MAP3K5: variants seen among roughly 807,000 people sequenced by gnomAD.
The protein encoded by MAP3K5 is mitogen-activated protein kinase kinase kinase 5, also known as ASK-1.
Under a neutral mutation model 158.7 loss-of-function variants are expected in MAP3K5, and 56 were observed. The observed-to-expected ratio is 0.35, with a 90% CI of 0.28 to 0.44. The LOEUF (loss-of-function observed/expected upper bound fraction) is 0.44. MAP3K5 is among the 20% of genes least tolerant of loss of function. MAP3K5 has a pLI of 1.00. For missense variants in MAP3K5, 1,294 were observed against 1,674.8 expected (o/e 0.77, Z 3.97); for synonymous variants, 579 against 601.7 (o/e 0.96, Z 0.55).
intron 1 of MAP3K5, among the ~76,000 whole-genome samples, chr6:136,773,922 T>C (rs1187761526): frequency 6.6e-6 from 1 of 152,152 alleles, no homozygotes; most frequent in Non-Finnish European, 1.5e-5. Context: ...CCCAAAGTGC[T>C]GGGATTACAT....
intron 18 of MAP3K5, among the ~76,000 whole-genome samples, chr6:136,607,211 C>G (rs1262931740): frequency 1.3e-5 from 2 of 152,076 alleles, no homozygotes; most frequent in Non-Finnish European, 2.9e-5. Context: ...TTTGTTGTCT[C>G]GGGGCCTAGA....
chr6:136,744,636 G>T (rs1782855610), intron 1 of MAP3K5, among the ~76,000 whole-genome samples: 1 of 151,828 alleles, frequency 6.6e-6, no homozygotes, highest in South Asian at 2.1e-4. Context: ...TCCACACCTT[G>T]CACACCCCTC....
At chr6:136,578,613 G>A (rs1463713457) in intron 25 of MAP3K5, among the ~76,000 whole-genome samples, 1 of 151,366 alleles carries the variant, frequency 6.6e-6, no homozygotes, top group Non-Finnish European at 1.5e-5. Context: ...ATGCAAAGGT[G>A]CAAGCCACAG....
At chr6:136,564,025 T>C (rs371770194) in intron 26 of MAP3K5, among the ~76,000 whole-genome samples, 2 of 152,300 alleles carry the variant, frequency 1.3e-5, no homozygotes, top group African/African-American at 2.4e-5. Context: ...AATTACCTAA[T>C]GCCTCCAGGC....
chr6:136,751,859 G>A (rs1373489808), intron 1 of MAP3K5, among the ~76,000 whole-genome samples: 1 of 152,228 alleles, frequency 6.6e-6, no homozygotes, highest in Non-Finnish European at 1.5e-5. Flanking sequence ...CCTACTTTCG[G>A]AAGGTTGCCA....
chr6:136,560,077 C>G (rs200083661), intron 28 of MAP3K5, among the ~76,000 whole-genome samples: 1 of 151,814 alleles, frequency 6.6e-6, no homozygotes, highest in Non-Finnish European at 1.5e-5. Context: ...AAATATAAAA[C>G]AAAACAATAT....
chr6:136,598,342 C>G (rs946643077), intron 21 of MAP3K5, among the ~76,000 whole-genome samples: 10 of 152,258 alleles, frequency 6.6e-5, no homozygotes, highest in Non-Finnish European at 1.5e-4. Context: ...CATTCTCAGA[C>G]TGACTTCAGT....
chr6:136,585,473 C>CTTTTCTTTA (rs562356592), intron 23 of MAP3K5, among the ~76,000 whole-genome samples: 1 of 135,038 alleles, frequency 7.4e-6, no homozygotes, highest in African/African-American at 2.7e-5. Flanking sequence ...CTTTTCTTTT[C>CTTTTCTTTA]TTTATTTATT....
intron 26 of MAP3K5, among the ~76,000 whole-genome samples, chr6:136,566,752 C>T (rs1214562999): frequency 1.3e-5 from 2 of 152,154 alleles, no homozygotes; most frequent in African/African-American, 4.8e-5. Flanking sequence ...TTTCATGTTT[C>T]TGAATATAGG....
intron 7 of MAP3K5, among the ~76,000 whole-genome samples, chr6:136,681,348 T>C (rs1779924219): frequency 6.6e-6 from 1 of 152,182 alleles, no homozygotes; most frequent in Non-Finnish European, 1.5e-5. Flanking sequence ...AATACTCTTA[T>C]TCTGGCCATG....
Position 136,737,041 on chromosome 6 carries a change from A to G in MAP3K5, c.449-16452T>C, listed in dbSNP as rs897766406. Reference sequence around the variant, plus strand: ...TTTACATATATATATGTGTGTGTATATATATATATATATATAAACTTAGAT... The same window carrying G: ...TTTACATATATATATGTGTGTGTATGTATATATATATATATAAACTTAGAT... On this transcript the variant is annotated intron_variant, in intron 1 of 29. Transcript: ENST00000359015. 5.5e-4 allele frequency among the ~76,000 whole-genome samples: 79 copies of G among 143,222 alleles called. 4 individuals carry two copies. The highest frequency in any genetic ancestry group is 2.1e-3 in the African/African-American group (76 of 35,752). 94.0% of individuals were successfully genotyped at this position (143,222 alleles called of 152,430 possible). A position where few individuals can be genotyped will look rare whatever the true frequency, so the allele number is the denominator to read the frequency against.
chr6:136,604,138 A>G (rs1775996673), intron 19 of MAP3K5, among the ~76,000 whole-genome samples: 2 of 152,182 alleles, frequency 1.3e-5, no homozygotes, highest in Admixed American at 6.5e-5. Context: ...CCTGGGCAGC[A>G]TGGTGAAACC....
chr6:136,750,177 G>A (rs751846676), intron 1 of MAP3K5, among the ~76,000 whole-genome samples: 3 of 152,062 alleles, frequency 2.0e-5, no homozygotes, highest in South Asian at 2.1e-4. Context: ...TCCTAGGTTC[G>A]AGCAATTCTC....
At chr6:136,730,333 T>A (rs6936533) in intron 1 of MAP3K5, among the ~76,000 whole-genome samples, 75,649 of 150,718 alleles carry the variant, frequency 0.5, 19,335 homozygotes, top group African/African-American at 0.59. Context: ...CTTGAGTTCA[T>A]ATTGGAACAC....
intron 7 of MAP3K5, among the ~76,000 whole-genome samples, chr6:136,693,077 T>G (rs961568223): frequency 6.6e-6 from 1 of 152,224 alleles, no homozygotes; most frequent in African/African-American, 2.4e-5. Context: ...TTAGATTTCA[T>G]TTTTTTGTGC....
At chr6:136,788,387 C>T (rs1784932300) in intron 1 of MAP3K5, among the ~76,000 whole-genome samples, 1 of 152,032 alleles carries the variant, frequency 6.6e-6, no homozygotes, top group South Asian at 2.1e-4. Context: ...ATGACTAAGT[C>T]CTCAAAAGCA....
intron 23 of MAP3K5, among the ~76,000 whole-genome samples, chr6:136,591,508 A>G (rs1475800434): frequency 6.6e-6 from 1 of 152,258 alleles, no homozygotes; most frequent in African/African-American, 2.4e-5. Context: ...GTAGAATATT[A>G]GAAGTGTTTT....
chr6:136,616,300 C>CT (rs537263288), intron 15 of MAP3K5, among the ~76,000 whole-genome samples: 1,567 of 122,622 alleles, frequency 0.013, 16 homozygotes, highest in Non-Finnish European at 0.018. Flanking sequence ...ACCTGCTCCT[C>CT]TTTTTTTTTT....
rs759947051 is a variant in MAP3K5 at position 136,737,037 on chromosome 6, G to GTGTATATATATATATATATATATA, written c.449-16449_449-16448insTATATATATATATATATATATACA. On this transcript the variant is annotated intron_variant, in intron 1 of 29. Transcript: ENST00000359015. Reference sequence around the variant, plus strand: ...TAATTTTACATATATATATGTGTGTGTATATATATATATATATATAAACTT... The same window carrying GTGTATATATATATATATATATATA: ...TAATTTTACATATATATATGTGTGTGTGTATATATATATATATATATATATATATATATATATATATATAAACTT... 4.9e-3 allele frequency among the ~76,000 whole-genome samples: 625 copies of GTGTATATATATATATATATATATA among 126,708 alleles called. 19 individuals carry two copies. Among genetic ancestry groups the GTGTATATATATATATATATATATA allele is most frequent in the African/African-American group, 0.022 (582 of 26,202 alleles). 83.1% of individuals were successfully genotyped at this position (126,708 alleles called of 152,430 possible).
Sources: gnomAD v4.1 joint callset for allele counts (sites outside exome capture counted in the v4.1 genomes callset) on GRCh38, gnomAD v4.1.1 for gene constraint, MANE v1.5 for transcripts, NCBI Gene and HGNC (gene_info 2026-07-23, HGNC 2026-07-21) for gene names.